Variants in EPM2A observed in about 807,000 individuals in gnomAD.
EPM2A encodes laforin.
Under a neutral mutation model 26.5 loss-of-function variants are expected in EPM2A, and 21 were observed. The ratio of observed to expected loss-of-function variants is 0.79; its 90% CI spans 0.56 to 1.14. The LOEUF is 1.14. Among genes scored for constraint, EPM2A ranks in the 50% most tolerant of loss-of-function variants. The probability of loss-of-function intolerance (pLI) is 0.00; values close to 1 mark genes in which losing one functional copy is unlikely to be tolerated. For missense variants in EPM2A, 458 were observed against 440.8 expected (o/e 1.04, Z -0.35); for synonymous variants, 217 against 177.6 (o/e 1.22, Z -1.76).
At chr6:145,468,980 A>T (rs1419691369) in intron 4 of EPM2A, among the ~76,000 whole-genome samples, 1 of 152,126 alleles carries the variant, frequency 6.6e-6, no homozygotes, top group Non-Finnish European at 1.5e-5. Context: ...TGGGCAAAAG[A>T]TCTTAATAGA....
rs543190494 is a variant in EPM2A, at chr6:145,435,572, AT to A, written c.556-51476del. 3.9e-3 allele frequency among the ~76,000 whole-genome samples: 590 copies of A among 151,566 alleles called. 5 individuals are homozygous for A. Among genetic ancestry groups the A allele is most frequent in the African/African-American group, 0.011 (443 of 41,418 alleles). ...TGCAGAGAATGTGGGAATTATTCTGATTTTTTTTAATTTATTTTTTTTAATT... is the reference window on the plus strand; with the variant it reads ...TGCAGAGAATGTGGGAATTATTCTGATTTTTTTAATTTATTTTTTTTAATT... On this transcript the variant is annotated intron_variant, in intron 4 of 4. Transcript: ENST00000638717.
At chr6:145,458,678 T>C (rs1228686578) in intron 4 of EPM2A, among the ~76,000 whole-genome samples, 2 of 152,136 alleles carry the variant, frequency 1.3e-5, no homozygotes, top group African/African-American at 2.4e-5. Context: ...ATTTATCCAT[T>C]GACCTGTCCA....
At chr6:145,416,252 C>T (rs543364355) in intron 4 of EPM2A, among the ~76,000 whole-genome samples, 234 of 146,154 alleles carry the variant, frequency 1.6e-3, no homozygotes, top group African/African-American at 5.2e-3. Flanking sequence ...AACAGGCAGG[C>T]TTTTTTTTTT....
chr6:145,676,556 G>A (rs1421856480), intron 2 of EPM2A, among the ~76,000 whole-genome samples: 1 of 151,712 alleles, frequency 6.6e-6, no homozygotes, highest in African/African-American at 2.4e-5. Flanking sequence ...AGAAAAGAGA[G>A]AAGAAACAAA....
intron 4 of EPM2A, among the ~76,000 whole-genome samples, chr6:145,451,906 G>A (rs1779200014): frequency 6.6e-6 from 1 of 152,224 alleles, no homozygotes; most frequent in African/African-American, 2.4e-5. Context: ...AGTGTAAAAG[G>A]TTTCTGAGAC....
chr6:145,621,881 T>C (rs1300248373), downstream of EPM2A, among the ~76,000 whole-genome samples: 2 of 152,194 alleles, frequency 1.3e-5, no homozygotes, highest in African/African-American at 2.4e-5. Flanking sequence ...AATATTCCAT[T>C]GTGTAGGTTG....
intron 1 of EPM2A, among the ~76,000 whole-genome samples, chr6:145,697,611 G>A (rs978013056): frequency 4.6e-5 from 7 of 152,180 alleles, no homozygotes; most frequent in Non-Finnish European, 7.4e-5. Context: ...GCCGCCCCCC[G>A]AAGCGGCCAT....
intron 4 of EPM2A, among the ~76,000 whole-genome samples, chr6:145,451,088 A>G (rs1779189807): frequency 1.3e-5 from 2 of 152,206 alleles, no homozygotes; most frequent in South Asian, 4.1e-4. Flanking sequence ...ACTTGTTGTC[A>G]ATGATACGGT....
intron 4 of EPM2A, among the ~76,000 whole-genome samples, chr6:145,465,807 A>C (rs1272034797): frequency 2.6e-5 from 4 of 152,122 alleles, no homozygotes; most frequent in African/African-American, 7.2e-5. Context: ...TCAATGGAAC[A>C]GAACAGAGGC....
intron 1 of EPM2A, chr6:145,734,630 T>C (rs545487120): frequency 8.5e-5 from 13 of 152,376 alleles, no homozygotes; most frequent in African/African-American, 2.2e-4. Flanking sequence ...AAGTAGCACA[T>C]TGCTGTCTAG....
At chr6:145,403,054 G>C (rs941636185) in intron 4 of EPM2A, among the ~76,000 whole-genome samples, 9 of 152,026 alleles carry the variant, frequency 5.9e-5, no homozygotes, top group Non-Finnish European at 1.0e-4. Flanking sequence ...TGCCACCCTG[G>C]TAATTAAGAA....
chr6:145,701,376 CT>C (rs1161640689), intron 1 of EPM2A, among the ~76,000 whole-genome samples: 1 of 152,218 alleles, frequency 6.6e-6, no homozygotes, highest in Non-Finnish European at 1.5e-5. Context: ...CCTTCACATG[CT>C]GACTTTTGTC....
chr6:145,569,641 A>G (rs55820518), intron 2 of EPM2A, among the ~76,000 whole-genome samples: 10,217 of 152,282 alleles, frequency 0.067, 1,153 homozygotes, highest in African/African-American at 0.23. Context: ...TATGCATAGC[A>G]ATAATTGTTT....
intron 1 of EPM2A, among the ~76,000 whole-genome samples, chr6:145,712,352 G>A (rs192317323): frequency 3.3e-5 from 5 of 152,178 alleles, no homozygotes; most frequent in Non-Finnish European, 5.9e-5. Context: ...TCCATTCAAT[G>A]GGTGCCAAAA....
intron 4 of EPM2A, among the ~76,000 whole-genome samples, chr6:145,457,100 G>A (rs990376261): frequency 9.9e-5 from 15 of 152,258 alleles, no homozygotes; most frequent in African/African-American, 2.4e-4. Context: ...CAACCTGATA[G>A]GTTAGATATA....
chr6:145,728,902 G>A (rs1297450488), intron 1 of EPM2A, among the ~76,000 whole-genome samples: 1 of 152,126 alleles, frequency 6.6e-6, no homozygotes, highest in African/African-American at 2.4e-5. Flanking sequence ...GCCTAGGAGG[G>A]AAAAATAGTT....
At chr6:145,726,193 C>T (rs1447388267) in intron 1 of EPM2A, among the ~76,000 whole-genome samples, 1 of 151,960 alleles carries the variant, frequency 6.6e-6, no homozygotes, top group Non-Finnish European at 1.5e-5. Context: ...GTCAAAGAGA[C>T]ACAAAAGAGA....
chr6:145,393,697 G>T (rs1041466128), intron 4 of EPM2A, among the ~76,000 whole-genome samples: 1 of 152,036 alleles, frequency 6.6e-6, no homozygotes, highest in Non-Finnish European at 1.5e-5. Context: ...AAGCTGCCAG[G>T]GTTTTTGGTG....
intron 2 of EPM2A, among the ~76,000 whole-genome samples, chr6:145,610,002 G>A (rs1775356831): frequency 6.6e-6 from 1 of 152,202 alleles, no homozygotes; most frequent in East Asian, 1.9e-4. Flanking sequence ...GGATCACGAG[G>A]TCAGGAGTTC....
Sources: allele counts gnomAD v4.1 joint callset (sites outside exome capture counted in the v4.1 genomes callset), GRCh38; gene constraint gnomAD v4.1.1; transcripts MANE v1.5; gene names NCBI Gene and HGNC (gene_info 2026-07-23, HGNC 2026-07-21).